Variants in PDE4B observed in about 807,000 individuals in gnomAD.
PDE4B encodes the protein 3',5'-cyclic-AMP phosphodiesterase 4B.
A neutral mutation model predicts 82.2 loss-of-function variants in PDE4B; 20 were observed. The observed-to-expected ratio is 0.24, with a 90% CI of 0.17 to 0.35. PDE4B has a LOEUF of 0.35. PDE4B is among the 10% of genes least tolerant of loss of function. PDE4B has a pLI of 1.00. For synonymous variants in PDE4B, 320 were observed against 318.9 expected, an observed-to-expected ratio of 1.00 and a Z score of -0.04; for missense variants, 655 against 907.2, an observed-to-expected ratio of 0.72 and a Z score of 3.57.
chr1:66,148,075 G>A (rs933801730), intron 3 of PDE4B, among the ~76,000 whole-genome samples: 2 of 152,136 alleles, frequency 1.3e-5, no homozygotes, highest in African/African-American at 4.8e-5. Flanking sequence ...TTTGAGACCA[G>A]CCTGGCCAAC....
chr1:66,243,909 G>A (rs1653087418), intron 3 of PDE4B, among the ~76,000 whole-genome samples: 1 of 152,180 alleles, frequency 6.6e-6, no homozygotes, highest in African/African-American at 2.4e-5. Context: ...CAGGGAAAAG[G>A]CCACTTTCAA....
chr1:66,103,719 C>T (rs1431188582), intron 3 of PDE4B, among the ~76,000 whole-genome samples: 1 of 152,054 alleles, frequency 6.6e-6, no homozygotes, highest in African/African-American at 2.4e-5. Context: ...AAAATTTGCT[C>T]TAGAGATTTC....
chr1:66,127,233 A>G (rs916623214), intron 3 of PDE4B, among the ~76,000 whole-genome samples: 2 of 152,090 alleles, frequency 1.3e-5, no homozygotes, highest in Admixed American at 6.5e-5. Flanking sequence ...ATGGCTCTGC[A>G]TACCTTAGGG....
At chr1:66,260,347 T>C (rs909125562) in intron 6 of PDE4B, among the ~76,000 whole-genome samples, 21 of 152,206 alleles carry the variant, frequency 1.4e-4, no homozygotes, top group African/African-American at 4.8e-4. Context: ...TCTTCTGGGT[T>C]ATAGGAAGAA....
intron 7 of PDE4B, among the ~76,000 whole-genome samples, chr1:66,313,578 C>G (rs1028216894): frequency 6.6e-5 from 10 of 152,192 alleles, no homozygotes; most frequent in African/African-American, 2.4e-4. Context: ...AAGATTTGGC[C>G]TGGTTCCTTA....
chr1:65,959,519 A>C (rs1262094696), intron 3 of PDE4B, among the ~76,000 whole-genome samples: 1 of 152,076 alleles, frequency 6.6e-6, no homozygotes. Flanking sequence ...TGCAGATGGG[A>C]GGTGAGAGTG....
intron 4 of PDE4B, among the ~76,000 whole-genome samples, chr1:66,254,889 C>T (rs967302053): frequency 3.3e-5 from 5 of 152,100 alleles, no homozygotes; most frequent in Non-Finnish European, 7.4e-5. Flanking sequence ...CCAGGTCTGT[C>T]CCCACTCCAA....
chr1:66,318,610 C>T (rs888348454), intron 7 of PDE4B, among the ~76,000 whole-genome samples: 4 of 152,108 alleles, frequency 2.6e-5, no homozygotes, highest in African/African-American at 7.2e-5. Context: ...AGACTTATGA[C>T]CTAGAATAGT....
intron 1 of PDE4B, among the ~76,000 whole-genome samples, chr1:65,836,342 G>A (rs924187261): frequency 5.3e-5 from 8 of 152,172 alleles, no homozygotes; most frequent in Admixed American, 3.3e-4. Flanking sequence ...TACTCTGTAA[G>A]ATCATTTATC....
At chr1:66,041,906 A>T (rs1228887428) in intron 3 of PDE4B, among the ~76,000 whole-genome samples, 2 of 151,772 alleles carry the variant, frequency 1.3e-5, no homozygotes, top group Admixed American at 6.6e-5. Context: ...CAGTAGGTTC[A>T]AAGAATAAAT....
chr1:65,989,542 G>C (rs1226206403), intron 3 of PDE4B, among the ~76,000 whole-genome samples: 1 of 152,042 alleles, frequency 6.6e-6, no homozygotes, highest in Non-Finnish European at 1.5e-5. Flanking sequence ...AAATAAACCT[G>C]AGACATACCT....
At chr1:65,813,861 A>G (rs1279782629) in intron 1 of PDE4B, among the ~76,000 whole-genome samples, 2 of 151,160 alleles carry the variant, frequency 1.3e-5, no homozygotes, top group African/African-American at 4.9e-5. Flanking sequence ...GCTTTGAAAA[A>G]TAATGTGTCC....
At chr1:66,240,615 T>C (rs1161942160) in intron 3 of PDE4B, among the ~76,000 whole-genome samples, 1 of 152,232 alleles carries the variant, frequency 6.6e-6, no homozygotes, top group African/African-American at 2.4e-5. Flanking sequence ...TCTGAAACTA[T>C]CTTACTTTCC....
Position 65,835,287 on chromosome 1 carries a change from C to T in PDE4B, c.-71+42039C>T, listed in dbSNP as rs541892402. 1.2e-4 allele frequency among the ~76,000 whole-genome samples: 19 copies of T among 152,234 alleles called. No individual in the cohort carries two copies. The South Asian group carries it at 3.7e-3, about 30-fold the overall frequency. On this transcript the variant is annotated intron_variant, in intron 1 of 16. Transcript: ENST00000341517. ...CAGTTTGTGTATAGAAATCATCCCT[C>T]TCTGTTCTCCAAAGAGAGCTTCCCA...
rs534276799 is a variant in PDE4B at position 66,349,583 on chromosome 1, A to G, written c.748-5944A>G. Among the ~76,000 whole-genome samples, 3 of 152,312 alleles carry G rather than the reference A, an allele frequency of 2.0e-5. No homozygotes were observed. In the South Asian group the frequency reaches 6.2e-4, roughly 32 times the overall value. On this transcript the variant is annotated intron_variant, in intron 8 of 16. Transcript: ENST00000341517. ...GACGTTAATGGACAATTGCATGTCC[A>G]TTATTACTTCTTTGACCATGTTACC...
intron 3 of PDE4B, among the ~76,000 whole-genome samples, chr1:66,089,512 G>A (rs986799812): frequency 3.9e-5 from 6 of 151,986 alleles, no homozygotes; most frequent in African/African-American, 1.4e-4. Flanking sequence ...TTTATTAATG[G>A]CTGTCTTTAG....
intron 3 of PDE4B, among the ~76,000 whole-genome samples, chr1:66,196,700 A>G (rs1379574391): frequency 6.6e-6 from 1 of 151,724 alleles, no homozygotes; most frequent in Non-Finnish European, 1.5e-5. Context: ...TCAGTAAACT[A>G]TCGCAAGAAC....
chr1:65,884,408 C>T (rs1646747907), intron 1 of PDE4B, among the ~76,000 whole-genome samples: 1 of 151,864 alleles, frequency 6.6e-6, no homozygotes, highest in East Asian at 1.9e-4. Flanking sequence ...GTCCAGGAAT[C>T]CTAAGCCAAA....
At chr1:66,098,661 A>T (rs1381248944) in intron 3 of PDE4B, among the ~76,000 whole-genome samples, 1 of 152,152 alleles carries the variant, frequency 6.6e-6, no homozygotes, top group Admixed American at 6.6e-5. Context: ...ACCCAGTTAG[A>T]AATATTAACA....
Sources: gnomAD v4.1 joint callset for allele counts (sites outside exome capture counted in the v4.1 genomes callset) on GRCh38, gnomAD v4.1.1 for gene constraint, MANE v1.5 for transcripts, NCBI Gene and HGNC (gene_info 2026-07-23, HGNC 2026-07-21) for gene names.